The following SLC43A3 variants were observed in gnomAD, a reference collection of about 807,000 sequenced individuals.
SLC43A3 encodes solute carrier family 43 member 3.
In SLC43A3, 33 loss-of-function variants were observed where a neutral mutation model predicts 53.3. The ratio of observed to expected loss-of-function variants is 0.62; its 90% CI spans 0.47 to 0.83. SLC43A3 has a LOEUF of 0.83. Ranked by LOEUF, SLC43A3 falls within the 40% of genes least tolerant of loss-of-function variation. SLC43A3 has a pLI of 0.00. For synonymous variants in SLC43A3, 236 were observed against 246.2 expected, an observed-to-expected ratio of 0.96 and a Z score of 0.39; for missense variants, 530 against 610.0, an observed-to-expected ratio of 0.87 and a Z score of 1.38.
chr11:57,426,263 T>C lies in SLC43A3; in HGVS notation c.-91A>G, dbSNP rs1943194993. On this transcript the variant is annotated 5_prime_UTR_variant, in exon 3 of 14. Coordinates refer to ENST00000395124, the MANE Select transcript of SLC43A3 (RefSeq NM_199329.3). Reference sequence around the variant, plus strand: ...GCCTGGCGTTTGAGCACTTGGAAAATTCCTCTGGCAAGCCAAGCCCTTCCT... The same window carrying C: ...GCCTGGCGTTTGAGCACTTGGAAAACTCCTCTGGCAAGCCAAGCCCTTCCT... 1 of 1,306,378 alleles carries C rather than the reference T, an allele frequency of 7.7e-7. No individual in the cohort carries two copies. The highest frequency in any genetic ancestry group is 1.1e-6 in the Non-Finnish European group (1 of 941,900). The allele number at this position is 1,306,378 out of a possible 1,614,324, so 80.9% of individuals were successfully genotyped here.
chr11:57,415,141 G>C, intron 9 of SLC43A3, 35 bp from the exon 10 acceptor site: 1 of 1,588,698 alleles, frequency 6.3e-7, no homozygotes, highest in Non-Finnish European at 8.6e-7. Context: ...CGTGAATTAC[G>C]AGGAAAGTGG....
rs151251549 is a variant in SLC43A3, at chr11:57,415,044, G to A, written c.832C>T (p.Arg278Cys). The A allele has an allele frequency of 3.5e-5, 56 of 1,614,046 alleles. No individual in the cohort carries two copies. The highest frequency in any genetic ancestry group is 8.3e-5 in the Admixed American group (5 of 60,006). ...AGCCACACCAGGTGCCAGGCAAAGCGCCGAGAGAAAGCGTAGCTCCAGAAG... is the reference window on the plus strand; with the variant it reads ...AGCCACACCAGGTGCCAGGCAAAGCACCGAGAGAAAGCGTAGCTCCAGAAG... ...RSFWSYAFSR[R>C]FAWHLVWLSV... Residue 278 changes from arginine to cysteine, a missense_variant, in exon 10 of 14, where the codon CGC becomes TGC. This residue lies in a region of SLC43A3 where 376 missense variants were observed against 386.7 expected (regional missense o/e 0.97). Coordinates refer to ENST00000395124, the MANE Select transcript of SLC43A3 (RefSeq NM_199329.3).
intron 11 of SLC43A3, among the ~76,000 whole-genome samples, chr11:57,412,286 T>C (rs78727972): frequency 0.02 from 3,111 of 152,256 alleles, 114 homozygotes; most frequent in African/African-American, 0.072. Context: ...GTGAGACAAT[T>C]TGAGCATCAA....
intron 13 of SLC43A3, 128 bp from the exon 14 acceptor site, chr11:57,408,024 A>G: frequency 1.6e-6 from 1 of 634,390 alleles, no homozygotes; most frequent in Admixed American, 2.8e-5. Context: ...TTTATATTCT[A>G]CTTTTCACCC....
At chr11:57,419,801 T>TAAA (rs11417407) in intron 7 of SLC43A3, among the ~76,000 whole-genome samples, 2 of 71,328 alleles carry the variant, frequency 2.8e-5, no homozygotes, top group African/African-American at 7.0e-5. Flanking sequence ...AACTCAATAA[T>TAAA]AAAAAAAAAA....
chr11:57,423,031 G>C (rs1193992255), intron 5 of SLC43A3, among the ~76,000 whole-genome samples: 1 of 152,156 alleles, frequency 6.6e-6, no homozygotes, highest in Non-Finnish European at 1.5e-5. Context: ...CACTAGGAAG[G>C]AATATTGGGA....
upstream of SLC43A3, chr11:57,427,153 G>A (rs1004647400): frequency 2.6e-5 from 4 of 152,184 alleles, no homozygotes; most frequent in African/African-American, 7.3e-5. Flanking sequence ...TCCCCTGCTC[G>A]CCTCCGCCCC....
Position 57,426,098 on chromosome 11 carries a change from G to T in SLC43A3, c.75C>A (p.Gly25=). 1 of 1,614,238 alleles carries T rather than the reference G, an allele frequency of 6.2e-7. No individual in the cohort carries two copies. The highest frequency in any genetic ancestry group is 1.3e-5 in the African/African-American group (1 of 75,072). Residue 25 remains glycine (G), a synonymous_variant, in exon 3 of 14, where the codon GGC becomes GGA. Transcript: ENST00000395124. Reference sequence around the variant, plus strand: ...CTAGTGAAGGCCAGCCAAAGAGGACGCCAGCAAAGCCCAGGCATTCCAGCA... The same window carrying T: ...CTAGTGAAGGCCAGCCAAAGAGGACTCCAGCAAAGCCCAGGCATTCCAGCA... ...TGLLECLGFA[G]VLFGWPSLVF...
intron 11 of SLC43A3, among the ~76,000 whole-genome samples, chr11:57,412,946 T>C (rs1468473906): frequency 6.6e-6 from 1 of 151,462 alleles, no homozygotes; most frequent in Non-Finnish European, 1.5e-5. Context: ...TGGATCAGAC[T>C]CGCAATGTCT....
At position 57,420,971 on chromosome 11, in the gene SLC43A3, C is replaced by G; in HGVS notation, c.531+1G>C. ...TGAATGTAGGCTGTTGCTATATTTA[C>G]CTTAATAATAAGGAAGACTGCCGAG... On this transcript the variant is annotated splice_donor_variant, in intron 7 of 13. Transcript: ENST00000395124. LOFTEE classifies it high-confidence loss of function. The G allele has an allele frequency of 6.3e-7, 1 of 1,594,924 alleles. No homozygotes were observed. The highest frequency in any genetic ancestry group is 8.6e-7 in the Non-Finnish European group (1 of 1,162,496).
At chr11:57,417,911 C>A in intron 7 of SLC43A3, 24 bp from the exon 8 acceptor site, 1 of 1,611,790 alleles carries the variant, frequency 6.2e-7, no homozygotes, top group South Asian at 1.1e-5. Context: ...AGGAAAAAGT[C>A]AGTGTCACAC....
rs1942259084 is a variant in SLC43A3, at chr11:57,407,435, G to A, written c.*357C>T. Reference sequence around the variant, plus strand: ...AATTTAACCCGTGGCAGAGGATCCAGGCACATATAGGCTTCGGAGCCAAAC... The same window carrying A: ...AATTTAACCCGTGGCAGAGGATCCAAGCACATATAGGCTTCGGAGCCAAAC... On this transcript the variant is annotated 3_prime_UTR_variant, in exon 14 of 14. Coordinates refer to ENST00000395124, the MANE Select transcript of SLC43A3 (RefSeq NM_199329.3). The A allele has an allele frequency of 5.4e-6, 1 of 185,236 alleles. No individual in the cohort carries two copies. Among genetic ancestry groups the A allele is most frequent in the African/African-American group, 2.4e-5 (1 of 42,490 alleles). The allele number at this position is 185,236 out of a possible 1,614,324, so 11.5% of individuals were successfully genotyped here.
intron 4 of SLC43A3, among the ~76,000 whole-genome samples, chr11:57,425,305 T>C (rs981877626): frequency 9.9e-5 from 15 of 152,194 alleles, no homozygotes; most frequent in African/African-American, 3.4e-4. Flanking sequence ...GGAAGCCACA[T>C]TTATGCAGAG....
chr11:57,411,122 AG>A (rs1313778174), intron 11 of SLC43A3, among the ~76,000 whole-genome samples: 1 of 152,208 alleles, frequency 6.6e-6, no homozygotes, highest in Non-Finnish European at 1.5e-5. Context: ...CCTAAAGAAG[AG>A]GAAAAGGGGT....
At chr11:57,415,182 A>G (rs542265290) in intron 9 of SLC43A3, 76 bp from the exon 10 acceptor site, 305 of 1,581,560 alleles carry the variant, frequency 1.9e-4, no homozygotes, top group African/African-American at 7.5e-4. Context: ...GGAGGCTTCA[A>G]TGGAACATTT....
At chr11:57,421,719 AAAG>A (rs1184800802) in intron 5 of SLC43A3, among the ~76,000 whole-genome samples, 6 of 152,206 alleles carry the variant, frequency 3.9e-5, no homozygotes, top group Non-Finnish European at 8.8e-5. Context: ...CACTCCTGGA[AAAG>A]AAGACCCTGG....
chr11:57,424,073 A>C, intron 4 of SLC43A3, 45 bp from the exon 5 acceptor site: 1 of 1,587,860 alleles, frequency 6.3e-7, no homozygotes, highest in Non-Finnish European at 8.6e-7. Flanking sequence ...AAGGAGGGAG[A>C]AACCTGGGAG....
At chr11:57,424,112 A>G (rs1943103642) in intron 4 of SLC43A3, 84 bp from the exon 5 acceptor site, 2 of 1,377,002 alleles carry the variant, frequency 1.5e-6, no homozygotes, top group South Asian at 1.2e-5. Flanking sequence ...CAGCCAGCCC[A>G]CAAGTGTAGG....
chr11:57,416,815 C>T, intron 8 of SLC43A3, 145 bp from the exon 9 acceptor site: 1 of 641,546 alleles, frequency 1.6e-6, no homozygotes, highest in Non-Finnish European at 2.8e-6. Context: ...GGTTGCAGAC[C>T]AGACCAGTTA....
Sources: allele counts gnomAD v4.1 joint callset (sites outside exome capture counted in the v4.1 genomes callset), GRCh38; gene constraint gnomAD v4.1.1; regional missense constraint gnomAD v4.1.1; transcripts MANE v1.5; gene names NCBI Gene and HGNC (gene_info 2026-07-23, HGNC 2026-07-21).